The following MRE11 variants were observed in gnomAD, a reference collection of about 807,000 sequenced individuals.
The protein encoded by MRE11 is double-strand break repair protein MRE11.
MRE11 carries 62 observed loss-of-function variants against 91.7 expected under a neutral mutation model. That is an observed-to-expected ratio of 0.68 (90% CI 0.55 to 0.84). The LOEUF is 0.84. Among genes scored for constraint, MRE11 ranks in the 40% least tolerant of loss-of-function variants. The pLI is 0.00. For missense variants in MRE11, 796 were observed against 852.9 expected, an observed-to-expected ratio of 0.93 and a Z score of 0.83; for synonymous variants, 273 against 271.4, an observed-to-expected ratio of 1.01 and a Z score of -0.06.
At position 94,418,234 on chromosome 11, in the gene MRE11, A is replaced by G. The variant is rs1469319070; in HGVS notation, c.*1891T>C. The G allele has an allele frequency of 1.3e-5, 3 of 233,030 alleles. No individual in the cohort carries two copies. Among genetic ancestry groups the G allele is most frequent in the Non-Finnish European group, 2.5e-5 (3 of 118,026 alleles). 14.4% of individuals were successfully genotyped at this position (233,030 alleles called of 1,614,324 possible). On this transcript the variant is annotated 3_prime_UTR_variant, in exon 20 of 20. Coordinates refer to ENST00000323929, the MANE Select transcript of MRE11 (RefSeq NM_005591.4). ...AAGGTTTCCCTGTCACGTTTTATTT[A>G]CCATATTTTCAGGGCTTGATACATA...
chr11:94,505,915 A>C, the MRE11 span, among the ~76,000 whole-genome samples: 3 of 152,246 alleles, frequency 2.0e-5, no homozygotes, highest in Admixed American at 6.5e-5. Context: ...AATTGCCTAC[A>C]GTATACAGTA....
intron 3 of MRE11, among the ~76,000 whole-genome samples, chr11:94,486,413 A>T (rs1947143867): frequency 6.6e-6 from 1 of 152,238 alleles, no homozygotes; most frequent in Admixed American, 6.5e-5. Context: ...TACCAAATTC[A>T]ATCCAAATCA....
upstream of MRE11, chr11:94,497,113 T>C (rs1270706606): frequency 2.2e-6 from 2 of 894,748 alleles, no homozygotes; most frequent in Non-Finnish European, 1.8e-6. Flanking sequence ...CAAAGTGTCA[T>C]GCTAGGTATT....
chr11:94,501,174 G>A, the MRE11 span, among the ~76,000 whole-genome samples: 6 of 152,172 alleles, frequency 3.9e-5, no homozygotes, highest in African/African-American at 1.4e-4. Flanking sequence ...AACCAAGAAG[G>A]ATTAAGTGTA....
At chr11:94,443,410 G>GT (rs1215938775) in intron 16 of MRE11, among the ~76,000 whole-genome samples, 1 of 152,164 alleles carries the variant, frequency 6.6e-6, no homozygotes, top group Non-Finnish European at 1.5e-5. Flanking sequence ...AAATAATATA[G>GT]TAAGTACCTA....
At chr11:94,469,590 C>G (rs956316487) in intron 9 of MRE11, among the ~76,000 whole-genome samples, 2 of 152,064 alleles carry the variant, frequency 1.3e-5, no homozygotes, top group African/African-American at 4.8e-5. Context: ...TTGAAACAAG[C>G]GTACACTTTT....
rs895857380 is a variant in MRE11, at chr11:94,418,705, T to C, written c.*1420A>G. On this transcript the variant is annotated 3_prime_UTR_variant, in exon 20 of 20. Coordinates refer to ENST00000323929, the MANE Select transcript of MRE11 (RefSeq NM_005591.4). ...CAAGTTCAATAAAGATGTGGGCAGA[T>C]CTGCCTAAGAATATTTCACAGGACA... 1 of 232,518 alleles carries C rather than the reference T, an allele frequency of 4.3e-6. No individual in the cohort carries two copies. Among genetic ancestry groups the C allele is most frequent in the Non-Finnish European group, 8.5e-6 (1 of 117,612 alleles). 14.4% of individuals were successfully genotyped at this position (232,518 alleles called of 1,614,324 possible). A position where few individuals can be genotyped will look rare whatever the true frequency, so the allele number is the denominator to read the frequency against.
At chr11:94,423,860 A>C (rs552430990) in intron 19 of MRE11, among the ~76,000 whole-genome samples, 1 of 152,330 alleles carries the variant, frequency 6.6e-6, no homozygotes, top group Non-Finnish European at 1.5e-5. Flanking sequence ...GCACTCAAGT[A>C]GGGGAGAAAT....
chr11:94,500,463 C>T, the MRE11 span, among the ~76,000 whole-genome samples: 2 of 152,192 alleles, frequency 1.3e-5, no homozygotes, highest in Non-Finnish European at 2.9e-5. Flanking sequence ...AGTCACTAAT[C>T]GTGCTTTGAA....
intron 10 of MRE11, among the ~76,000 whole-genome samples, chr11:94,465,423 C>T (rs1445428071): frequency 7.6e-6 from 1 of 131,606 alleles, no homozygotes; most frequent in Non-Finnish European, 1.6e-5. Context: ...TTTGAGATGG[C>T]GTCTCACTGT....
At chr11:94,487,568 T>C (rs774436585) in intron 3 of MRE11, among the ~76,000 whole-genome samples, 1 of 152,210 alleles carries the variant, frequency 6.6e-6, no homozygotes, top group Non-Finnish European at 1.5e-5. Context: ...TATGTAAACC[T>C]GGACTGGATC....
intron 4 of MRE11, among the ~76,000 whole-genome samples, chr11:94,483,427 T>G (rs1045731365): frequency 6.6e-6 from 1 of 152,250 alleles, no homozygotes; most frequent in South Asian, 2.1e-4. Flanking sequence ...TCGTGGGAGA[T>G]AATTGAATCA....
chr11:94,427,904 G>A (rs959065846), intron 19 of MRE11, among the ~76,000 whole-genome samples: 2 of 152,000 alleles, frequency 1.3e-5, no homozygotes, highest in Non-Finnish European at 1.5e-5. Context: ...TAACACAAAC[G>A]CAAAAACATT....
upstream of MRE11, chr11:94,497,690 G>A (rs1204064204): frequency 5.5e-6 from 1 of 182,642 alleles, no homozygotes; most frequent in African/African-American, 2.4e-5. Flanking sequence ...ATATTGGTGT[G>A]ATAATCCTAC....
In MRE11 at chr11:94,470,484, A is replaced by C; in HGVS notation, c.1004T>G (p.Phe335Cys). 1 of 1,612,900 alleles carries C rather than the reference A, an allele frequency of 6.2e-7. No individual in the cohort carries two copies. The change falls in exon 9 of 20, where the codon TTC (phenylalanine) becomes TGC (cysteine). Residue 335 changes from phenylalanine to cysteine, a missense_variant. Physicochemically the swap from Phe to Cys is radical, Grantham distance 205 (BLOSUM62 -2). Transcript: ENST00000323929. ...AAAAAGAATTACCTTCTCCAAACAGAAGCTTTGTATGGCTTGGGTTACTTT... is the reference window on the plus strand; with the variant it reads ...AAAAAGAATTACCTTCTCCAAACAGCAGCTTTGTATGGCTTGGGTTACTTT... ...NPKVTQAIQS[F>C]CLEKIEEMLE...
At position 94,470,569 on chromosome 11, in the gene MRE11, A is replaced by G. The variant is rs1173443352; in HGVS notation, c.919T>C (p.Phe307Leu). ...HKIPLHTVRQ[F>L]FMEDIVLANH... ...GCTAGAACAATATCCTCCATGAAAA[A>G]CTGCCGCACTGTGTGAAGAGGAATT... Residue 307 changes from phenylalanine to leucine, a missense_variant, in exon 9 of 20, where the codon TTT becomes CTT. Coordinates refer to ENST00000323929, the MANE Select transcript of MRE11 (RefSeq NM_005591.4). 6.2e-7 allele frequency: 1 copy of G among 1,613,290 alleles called. No homozygotes were observed. Among genetic ancestry groups the G allele is most frequent in the Non-Finnish European group, 8.5e-7 (1 of 1,179,428 alleles).
intron 1 of MRE11, 43 bp from the exon 2 acceptor site, chr11:94,492,949 T>C: frequency 9.6e-6 from 7 of 731,788 alleles, no homozygotes; most frequent in Non-Finnish European, 1.6e-5. Context: ...TTTAAAAGCC[T>C]GCACGTATTT....
intron 3 of MRE11, 69 bp from the exon 4 acceptor site, chr11:94,486,153 AAG>A (rs1947138111): frequency 2.0e-6 from 3 of 1,467,978 alleles, no homozygotes; most frequent in South Asian, 2.5e-5. Context: ...CTACAGATGA[AAG>A]AGATAAAAAA....
chr11:94,478,906 T>C, intron 5 of MRE11, 30 bp from the exon 6 acceptor site: 15 of 1,610,936 alleles, frequency 9.3e-6, no homozygotes, highest in Non-Finnish European at 1.1e-5. Flanking sequence ...AGAATGTTAG[T>C]GTGTATGTAA....
Sources: allele counts gnomAD v4.1 joint callset (sites outside exome capture counted in the v4.1 genomes callset), GRCh38; gene constraint gnomAD v4.1.1; transcripts MANE v1.5; gene names NCBI Gene and HGNC (gene_info 2026-07-23, HGNC 2026-07-21).